The following CCDC50 variants were observed in gnomAD, a reference collection of about 807,000 sequenced individuals.
CCDC50 encodes coiled-coil domain containing 50, also known as coiled-coil domain-containing protein 50.
Under a neutral mutation model 70.2 loss-of-function variants are expected in CCDC50, and 54 were observed. The ratio of observed to expected loss-of-function variants is 0.77; its 90% CI spans 0.62 to 0.96. CCDC50 has a LOEUF of 0.96. Among genes scored for constraint, CCDC50 ranks in the 50% least tolerant of loss-of-function variants. CCDC50 has a pLI of 0.00. For missense variants in CCDC50, 558 were observed against 578.7 expected (o/e 0.96, Z 0.37); for synonymous variants, 216 against 198.8 (o/e 1.09, Z -0.73).
At chr3:191,370,080 C>T in intron 5 of CCDC50, 44 bp downstream of exon 5, 1 of 1,310,280 alleles carries the variant, frequency 7.6e-7, no homozygotes, top group East Asian at 2.3e-5. Context: ...TTAGACTCAA[C>T]CATAAAACAC....
intron 7 of CCDC50, among the ~76,000 whole-genome samples, chr3:191,380,485 A>G (rs1052612846): frequency 1.3e-5 from 2 of 152,068 alleles, no homozygotes; most frequent in Non-Finnish European, 2.9e-5. Flanking sequence ...CTCCATCTCC[A>G]TGATTGTTCT....
intron 11 of CCDC50, among the ~76,000 whole-genome samples, chr3:191,390,857 C>G (rs189368948): frequency 1.1e-4 from 17 of 152,276 alleles, no homozygotes; most frequent in Admixed American, 9.8e-4. Context: ...CTTATTTTAT[C>G]CAGCCCCTAT....
At chr3:191,379,371 G>A (rs1183515391) in intron 6 of CCDC50, among the ~76,000 whole-genome samples, 3 of 152,048 alleles carry the variant, frequency 2.0e-5, no homozygotes, top group African/African-American at 4.8e-5. Context: ...TTAATTTACT[G>A]AAATGAACTA....
intron 9 of CCDC50, among the ~76,000 whole-genome samples, chr3:191,381,572 G>A (rs1303956660): frequency 1.3e-5 from 2 of 152,118 alleles, no homozygotes; most frequent in Non-Finnish European, 2.9e-5. Flanking sequence ...GTGACAGCGC[G>A]TAAGACAACA....
At chr3:191,338,626 T>C (rs1398547058) in intron 1 of CCDC50, among the ~76,000 whole-genome samples, 1 of 152,256 alleles carries the variant, frequency 6.6e-6, no homozygotes, top group African/African-American at 2.4e-5. Flanking sequence ...CAGACTTCAT[T>C]ATTTCAAATT....
At position 191,392,531 on chromosome 3, in the gene CCDC50, G is replaced by A. The variant is rs529523; in HGVS notation, c.*771G>A. The A allele has an allele frequency of 0.36, 55,200 of 152,040 alleles. 11,558 individuals are homozygous for A. Among genetic ancestry groups the A allele is most frequent in the Non-Finnish European group, 0.49 (32,974 of 67,976 alleles). 9.4% of individuals were successfully genotyped at this position (152,040 alleles called of 1,614,324 possible). A position where few individuals can be genotyped will look rare whatever the true frequency, so the allele number is the denominator to read the frequency against. On this transcript the variant is annotated 3_prime_UTR_variant, in exon 12 of 12. Transcript: ENST00000392455. ...TTTTTCATTTACTTGTAGAGCCAAG[G>A]AAATGGAATTGAAAGATGATTGCAT...
chr3:191,372,939 A>G (rs1334335170), intron 5 of CCDC50, among the ~76,000 whole-genome samples: 1 of 152,134 alleles, frequency 6.6e-6, no homozygotes, highest in East Asian at 1.9e-4. Flanking sequence ...ATTTGAGAAG[A>G]TCAAATAATG....
chr3:191,389,869 T>C (rs1260089265), intron 11 of CCDC50, among the ~76,000 whole-genome samples: 1 of 141,860 alleles, frequency 7.0e-6, no homozygotes, highest in Non-Finnish European at 1.5e-5. Context: ...TTTTTTTTTT[T>C]TTTTTTTTTG....
intron 4 of CCDC50, among the ~76,000 whole-genome samples, chr3:191,366,351 CT>C (rs1712689338): frequency 6.6e-6 from 1 of 151,878 alleles, no homozygotes; most frequent in Non-Finnish European, 1.5e-5. Context: ...TGTTTCCTTC[CT>C]TATGGTTATG....
chr3:191,334,057 A>G (rs1313788860), intron 1 of CCDC50, among the ~76,000 whole-genome samples: 1 of 152,160 alleles, frequency 6.6e-6, no homozygotes, highest in Non-Finnish European at 1.5e-5. Flanking sequence ...TTGAGTAATA[A>G]TAGGTTTAAT....
At chr3:191,357,511 A>T (rs1033094838) in intron 2 of CCDC50, among the ~76,000 whole-genome samples, 5 of 152,210 alleles carry the variant, frequency 3.3e-5, no homozygotes, top group Non-Finnish European at 7.3e-5. Context: ...TTTCCCAGGC[A>T]ACTGTGGTAT....
intron 1 of CCDC50, among the ~76,000 whole-genome samples, chr3:191,344,381 C>G (rs1366609345): frequency 6.6e-6 from 1 of 152,030 alleles, no homozygotes; most frequent in East Asian, 1.9e-4. Context: ...CTATTTAGCA[C>G]TAGGAATATG....
At chr3:191,361,718 A>C (rs1277971844) in intron 4 of CCDC50, among the ~76,000 whole-genome samples, 1 of 152,188 alleles carries the variant, frequency 6.6e-6, no homozygotes, top group African/African-American at 2.4e-5. Flanking sequence ...CAGCTTAACT[A>C]ATTACATCTG....
chr3:191,391,687 T>C lies in CCDC50; in HGVS notation c.1430-54T>C, dbSNP rs1713697361. 2.6e-6 allele frequency: 4 copies of C among 1,532,530 alleles called. No homozygotes were observed. The East Asian group carries it at 9.0e-5, about 35-fold the overall frequency. 94.9% of individuals were successfully genotyped at this position (1,532,530 alleles called of 1,614,324 possible). A position where few individuals can be genotyped will look rare whatever the true frequency, so the allele number is the denominator to read the frequency against. ...ACTTGGGCAGGGAGAAAAAGCTGTTTGAGTTTCAAAGGTTTTTCCTTAATT... is the reference window on the plus strand; with the variant it reads ...ACTTGGGCAGGGAGAAAAAGCTGTTCGAGTTTCAAAGGTTTTTCCTTAATT... On this transcript the variant is annotated intron_variant, in intron 11 of 11. Coordinates refer to ENST00000392455, the MANE Select transcript of CCDC50 (RefSeq NM_178335.3).
At chr3:191,389,153 AT>A (rs1271435926) in intron 10 of CCDC50, among the ~76,000 whole-genome samples, 1 of 138,390 alleles carries the variant, frequency 7.2e-6, no homozygotes. Flanking sequence ...TTATTCTGTT[AT>A]TTTTTCTTTG....
intron 1 of CCDC50, among the ~76,000 whole-genome samples, chr3:191,355,994 T>A (rs965398112): frequency 3.3e-5 from 5 of 152,208 alleles, no homozygotes; most frequent in Non-Finnish European, 2.9e-5. Flanking sequence ...CGTTTTTCAT[T>A]CTGTTTCAGT....
chr3:191,356,511 T>C (rs572683802), intron 1 of CCDC50, among the ~76,000 whole-genome samples: 1 of 152,342 alleles, frequency 6.6e-6, no homozygotes, highest in Admixed American at 6.5e-5. Context: ...TCCCTGGGGA[T>C]TGACCCACTG....
At chr3:191,382,475 C>G (rs1241903575) in intron 9 of CCDC50, among the ~76,000 whole-genome samples, 1 of 152,152 alleles carries the variant, frequency 6.6e-6, no homozygotes, top group Non-Finnish European at 1.5e-5. Flanking sequence ...GCCCATTCCT[C>G]TGGCTGCTCT....
chr3:191,382,039 ATACTGTTTTAG>A (rs1713337775), intron 9 of CCDC50, among the ~76,000 whole-genome samples: 1 of 152,164 alleles, frequency 6.6e-6, no homozygotes, highest in African/African-American at 2.4e-5. Flanking sequence ...TTTTTCTAAT[ATACTGTTTTAG>A]TCAAGGATTC....
Sources: gnomAD v4.1 joint callset for allele counts (sites outside exome capture counted in the v4.1 genomes callset) on GRCh38, gnomAD v4.1.1 for gene constraint, MANE v1.5 for transcripts, NCBI Gene and HGNC (gene_info 2026-07-23, HGNC 2026-07-21) for gene names.